Variants in ATP5MK observed in about 807,000 individuals in gnomAD.
ATP5MK encodes the protein ATP synthase F(0) complex subunit k, mitochondrial.
A neutral mutation model predicts 6.6 loss-of-function variants in ATP5MK; 5 were observed. That is an observed-to-expected ratio of 0.76 (90% CI 0.40 to 1.60). ATP5MK has a LOEUF of 1.60. ATP5MK is among the 40% of genes most tolerant of loss of function. The probability of loss-of-function intolerance (pLI) is 0.02; values close to 1 mark genes in which losing one functional copy is unlikely to be tolerated. For missense variants in ATP5MK, 57 were observed against 66.6 expected, an observed-to-expected ratio of 0.86 and a Z score of 0.50; for synonymous variants, 30 against 24.5, an observed-to-expected ratio of 1.22 and a Z score of -0.66.
At chr10:103,392,696 T>A (rs2133647787) in intron 2 of ATP5MK, among the ~76,000 whole-genome samples, 1 of 152,314 alleles carries the variant, frequency 6.6e-6, no homozygotes, top group East Asian at 1.9e-4. Flanking sequence ...CATGAACACC[T>A]CAGAATACAT....
intron 2 of ATP5MK, among the ~76,000 whole-genome samples, chr10:103,395,036 C>T (rs2093427032): frequency 6.6e-6 from 1 of 152,056 alleles, no homozygotes; most frequent in South Asian, 2.1e-4. Context: ...GTGCATGGTT[C>T]AAGAACTGAA....
Position 103,396,394 on chromosome 10 carries a change from C to G in ATP5MK, c.-297+15G>C, listed in dbSNP as rs1475980008. 1 of 152,386 alleles carries G rather than the reference C, an allele frequency of 6.6e-6. No individual in the cohort carries two copies. Among genetic ancestry groups the G allele is most frequent in the Non-Finnish European group, 1.5e-5 (1 of 68,180 alleles). The allele number at this position is 152,386 out of a possible 1,614,324, so 9.4% of individuals were successfully genotyped here. A position where few individuals can be genotyped will look rare whatever the true frequency, so the allele number is the denominator to read the frequency against. ...CAGGCGCCAGGTCCAAGCCCGGACT[C>G]CCCTCTTCACCCACCTGCCAAAGCC... On this transcript the variant is annotated intron_variant, in intron 1 of 4. Coordinates refer to ENST00000369815, the MANE Select transcript of ATP5MK (RefSeq NM_001206427.2).
intron 4 of ATP5MK, among the ~76,000 whole-genome samples, chr10:103,389,751 A>G (rs1321469490): frequency 2.0e-5 from 3 of 151,630 alleles, no homozygotes; most frequent in Non-Finnish European, 4.4e-5. Context: ...TTTTGTTCGG[A>G]GACACAGTCT....
Position 103,395,445 on chromosome 10 carries a change from G to C in ATP5MK, c.-10+301C>G, listed in dbSNP as rs1225191015. ...CCCGAGTAGCTGGAACTACAGGCGC[G>C]CGCCACCACGCCCGGCTAATTTTTG... is the stretch of plus-strand genomic sequence containing the variant. On this transcript the variant is annotated intron_variant, in intron 2 of 4. Transcript: ENST00000369815. Among the ~76,000 whole-genome samples, 4 of 152,104 alleles carry C rather than the reference G, an allele frequency of 2.6e-5. No individual in the cohort carries two copies. The East Asian group carries it at 7.7e-4, about 29-fold the overall frequency.
chr10:103,395,072 CTTAA>C (rs2093427264), intron 2 of ATP5MK, among the ~76,000 whole-genome samples: 1 of 152,046 alleles, frequency 6.6e-6, no homozygotes, highest in South Asian at 2.1e-4. Context: ...TAGTCTGGGT[CTTAA>C]AGGAGGAGGA....
chr10:103,394,295 A>G (rs1231621890), intron 2 of ATP5MK: 1 of 534,176 alleles, frequency 1.9e-6, no homozygotes, highest in Non-Finnish European at 3.9e-6. Flanking sequence ...ATGACCGCCT[A>G]TCTACCACGA....
chr10:103,389,889 G>A (rs1315837476), intron 4 of ATP5MK, among the ~76,000 whole-genome samples: 8 of 150,860 alleles, frequency 5.3e-5, no homozygotes, highest in South Asian at 2.1e-4. Context: ...CTGCCACCAC[G>A]CCCGGCTAAT....
In ATP5MK at chr10:103,395,346, G is replaced by A. The variant is rs1564750496; in HGVS notation, c.-10+400C>T. Among the ~76,000 whole-genome samples the A allele has an allele frequency of 2.0e-5, 3 of 152,342 alleles. No homozygotes were observed. In the South Asian group the frequency reaches 6.2e-4, roughly 32 times the overall value. On this transcript the variant is annotated intron_variant, in intron 2 of 4. Transcript: ENST00000369815. The stretch of plus-strand genomic sequence containing the variant: ...AAGGTCTCGCTCTGTCGTCCAGGCT[G>A]GAGTGCAGTGGCGCGATCTCAGCTC...
intron 2 of ATP5MK, among the ~76,000 whole-genome samples, 185 bp downstream of exon 2, chr10:103,395,561 G>A (rs977426493): frequency 9.2e-5 from 14 of 152,174 alleles, no homozygotes; most frequent in Admixed American, 8.5e-4. Context: ...GCCTCCCAAA[G>A]TGCTGGGATT....
At chr10:103,390,764 T>G (rs1013924692) in intron 4 of ATP5MK, among the ~76,000 whole-genome samples, 4 of 151,900 alleles carry the variant, frequency 2.6e-5, no homozygotes, top group African/African-American at 9.7e-5. Context: ...CACTCCAGCC[T>G]GGGCAACAAG....
At chr10:103,390,709 T>G (rs1180513359) in intron 4 of ATP5MK, among the ~76,000 whole-genome samples, 1 of 151,232 alleles carries the variant, frequency 6.6e-6, no homozygotes, top group East Asian at 2.0e-4. Flanking sequence ...GAGAATTGTT[T>G]GAACCGGGAG....
At chr10:103,394,843 A>G (rs1445220076) in intron 2 of ATP5MK, among the ~76,000 whole-genome samples, 1 of 150,550 alleles carries the variant, frequency 6.6e-6, no homozygotes, top group Admixed American at 6.7e-5. Context: ...CGCTACAGAA[A>G]ATAAGGGCTT....
At chr10:103,391,600 T>C (rs2093414660) in intron 4 of ATP5MK, among the ~76,000 whole-genome samples, 1 of 152,050 alleles carries the variant, frequency 6.6e-6, no homozygotes, top group African/African-American at 2.4e-5. Flanking sequence ...CTCTGCCTCT[T>C]GGGCTCAAGC....
intron 4 of ATP5MK, among the ~76,000 whole-genome samples, chr10:103,389,408 C>T (rs1029481423): frequency 2.0e-5 from 3 of 151,820 alleles, no homozygotes; most frequent in Non-Finnish European, 4.4e-5. Context: ...CTGCAACCTC[C>T]GCGTCCCAGG....
At chr10:103,390,862 C>G (rs1220256943) in intron 4 of ATP5MK, among the ~76,000 whole-genome samples, 1 of 151,844 alleles carries the variant, frequency 6.6e-6, no homozygotes, top group Non-Finnish European at 1.5e-5. Flanking sequence ...CACATATCAC[C>G]CATTGCCAAC....
rs2093416331 is a variant in ATP5MK at position 103,392,135 on chromosome 10, A to G, written c.*3+56T>C. 6.7e-6 allele frequency: 10 copies of G among 1,483,592 alleles called. No individual in the cohort carries two copies. In the East Asian group the frequency reaches 1.1e-4, roughly 17 times the overall value. The allele number at this position is 1,483,592 out of a possible 1,614,324, so 91.9% of individuals were successfully genotyped here. ...TTTATTTTTATACTAAATGTTAGGG[A>G]AAAATCCTAACATCAAAATGGCTAA... On this transcript the variant is annotated intron_variant, in intron 4 of 4. Transcript: ENST00000369815.
intron 4 of ATP5MK, among the ~76,000 whole-genome samples, chr10:103,391,574 C>T (rs1233738714): frequency 6.6e-6 from 1 of 152,034 alleles, no homozygotes; most frequent in Non-Finnish European, 1.5e-5. Flanking sequence ...ATGGCGTGAT[C>T]TCAGCTCACT....
At chr10:103,394,467 G>A in intron 2 of ATP5MK, 1 of 402,028 alleles carries the variant, frequency 2.5e-6, no homozygotes, top group East Asian at 6.4e-5. Flanking sequence ...CCCATTCAAA[G>A]GCTTTCAGAG....
intron 2 of ATP5MK, chr10:103,394,462 T>C (rs376151598): frequency 1.2e-5 from 5 of 419,808 alleles, no homozygotes; most frequent in Admixed American, 2.4e-5. Flanking sequence ...ACTCCCCCAT[T>C]CAAAGGCTTT....
Sources: allele counts gnomAD v4.1 joint callset (sites outside exome capture counted in the v4.1 genomes callset), GRCh38; gene constraint gnomAD v4.1.1; transcripts MANE v1.5; gene names NCBI Gene and HGNC (gene_info 2026-07-23, HGNC 2026-07-21).